MPDZ: variants seen among roughly 807,000 people sequenced by gnomAD.
The protein encoded by MPDZ is multiple PDZ domain protein.
In MPDZ, 234 loss-of-function variants were observed where a neutral mutation model predicts 239.1. That is an observed-to-expected ratio of 0.98 (90% CI 0.88 to 1.09). The LOEUF (loss-of-function observed/expected upper bound fraction) is 1.09, where lower values mean the gene tolerates loss of function less well. MPDZ is among the 50% of genes least tolerant of loss of function. MPDZ has a pLI of 0.00. For missense variants in MPDZ, 3,175 were observed against 2,510.0 expected (o/e 1.26, Z -5.66); for synonymous variants, 1,048 against 881.3 (o/e 1.19, Z -3.35).
At chr9:13,232,438 T>C (rs957034455) in intron 3 of MPDZ, among the ~76,000 whole-genome samples, 1 of 152,126 alleles carries the variant, frequency 6.6e-6, no homozygotes, top group Non-Finnish European at 1.5e-5. Flanking sequence ...GATGATCTCT[T>C]CAATAAATGG....
chr9:13,222,626 G>C (rs558075227), intron 5 of MPDZ, among the ~76,000 whole-genome samples, 180 bp from the exon 6 acceptor site: 2 of 151,928 alleles, frequency 1.3e-5, no homozygotes, highest in Non-Finnish European at 2.9e-5. Flanking sequence ...ATCAACTCTC[G>C]TAAGGTTATT....
At chr9:13,139,927 G>C in intron 28 of MPDZ, 60 bp downstream of exon 28, 1 of 1,598,822 alleles carries the variant, frequency 6.3e-7, no homozygotes, top group African/African-American at 1.3e-5. Context: ...AAATCCTTGA[G>C]AAACTCAGAG....
intron 23 of MPDZ, among the ~76,000 whole-genome samples, chr9:13,160,980 T>C (rs1484821916): frequency 6.6e-6 from 1 of 150,620 alleles, no homozygotes; most frequent in African/African-American, 2.4e-5. Flanking sequence ...TACTACACCC[T>C]TTTATATAAG....
chr9:13,247,616 T>TG lies in MPDZ; in HGVS notation c.183+18dup. The TG allele has an allele frequency of 6.3e-7, 1 of 1,598,542 alleles. No individual in the cohort carries two copies. Among genetic ancestry groups the TG allele is most frequent in the Non-Finnish European group, 8.6e-7 (1 of 1,168,192 alleles). ...CTATGCCATGTCGTGAATGCCTGCT[T>TG]GGGTGAATGATGTCCTACCTGGTCT... On this transcript the variant is annotated intron_variant, in intron 3 of 46. Transcript: ENST00000319217.
chr9:13,152,106 A>G (rs936412075), intron 24 of MPDZ, among the ~76,000 whole-genome samples: 2 of 152,088 alleles, frequency 1.3e-5, no homozygotes, highest in African/African-American at 4.8e-5. Context: ...AGCAGCTTCT[A>G]AGCTTAGCAA....
chr9:13,166,616 A>C (rs1951110039), intron 22 of MPDZ, among the ~76,000 whole-genome samples: 1 of 151,928 alleles, frequency 6.6e-6, no homozygotes, highest in Non-Finnish European at 1.5e-5. Context: ...AGGTTGTACG[A>C]TTTTTCTTCT....
At chr9:13,175,954 G>A (rs1200524695) in intron 20 of MPDZ, 79 bp from the exon 21 acceptor site, 2 of 1,490,200 alleles carry the variant, frequency 1.3e-6, no homozygotes, top group African/African-American at 2.8e-5. Flanking sequence ...CATCACGCAT[G>A]TTCTCTAATT....
At chr9:13,181,816 G>C (rs75648390) in intron 19 of MPDZ, among the ~76,000 whole-genome samples, 2,341 of 152,236 alleles carry the variant, frequency 0.015, 61 homozygotes, top group African/African-American at 0.054. Flanking sequence ...TGTCCACTGG[G>C]AAGAAGACGT....
chr9:13,123,127 C>G (rs1944608174), intron 36 of MPDZ, 26 bp downstream of exon 36: 2 of 1,598,376 alleles, frequency 1.3e-6, no homozygotes, highest in Non-Finnish European at 8.5e-7. Context: ...ACGGCCTGTA[C>G]AGAAGCACCT....
At chr9:13,222,809 C>T (rs1452107412) in intron 5 of MPDZ, among the ~76,000 whole-genome samples, 2 of 151,732 alleles carry the variant, frequency 1.3e-5, no homozygotes, top group Non-Finnish European at 2.9e-5. Context: ...AGATCCCCAA[C>T]TGGGGATCAC....
Position 13,112,220 on chromosome 9 carries a change from A to G in MPDZ, c.5602-74T>C, listed in dbSNP as rs1942610219. The G allele has an allele frequency of 1.3e-5, 18 of 1,423,486 alleles. No homozygotes were observed. The South Asian group carries it at 2.4e-4, about 19-fold the overall frequency. The allele number at this position is 1,423,486 out of a possible 1,614,324, so 88.2% of individuals were successfully genotyped here. ...GACCTTTTGTTTATTCTTTGGCATG[A>G]TATCTATAGTCAACTCTGATTTTCT... On this transcript the variant is annotated intron_variant, in intron 42 of 46. Transcript: ENST00000319217.
At chr9:13,223,759 T>TG (rs1233996630) in intron 4 of MPDZ, 49 bp from the exon 5 acceptor site, 1 of 1,527,736 alleles carries the variant, frequency 6.5e-7, no homozygotes, top group African/African-American at 1.4e-5. Flanking sequence ...AGGCCATGCA[T>TG]GGTGGTTCAC....
intron 25 of MPDZ, among the ~76,000 whole-genome samples, chr9:13,149,653 C>A (rs916061910): frequency 2.0e-5 from 3 of 151,974 alleles, no homozygotes; most frequent in African/African-American, 7.2e-5. Context: ...ATGCCCAGAG[C>A]CTGTTATAGC....
intron 40 of MPDZ, among the ~76,000 whole-genome samples, chr9:13,114,900 AAAATAAAT>A (rs755822098): frequency 1.3e-5 from 2 of 151,996 alleles, no homozygotes. Context: ...ACTCTGTCTC[AAAATAAAT>A]AAATAAATAA....
Position 13,199,406 on chromosome 9 carries a change from C to A in MPDZ, c.1547-3176G>T, listed in dbSNP as rs866939249. ...ATCAGTTCTAACCATTTTTGGTGAACTCCTTAGGTTTCTAAATATAGGATC... is the reference window on the plus strand; with the variant it reads ...ATCAGTTCTAACCATTTTTGGTGAAATCCTTAGGTTTCTAAATATAGGATC... On this transcript the variant is annotated intron_variant, in intron 12 of 46. Transcript: ENST00000319217. Among the ~76,000 whole-genome samples, 5 of 152,042 alleles carry A rather than the reference C, an allele frequency of 3.3e-5. No homozygotes were observed. In the South Asian group the frequency reaches 1.0e-3, roughly 32 times the overall value.
intron 32 of MPDZ, among the ~76,000 whole-genome samples, chr9:13,127,545 A>G (rs1046664834): frequency 1.3e-5 from 2 of 152,238 alleles, no homozygotes; most frequent in African/African-American, 2.4e-5. Context: ...GAGAAAAGTT[A>G]CAAAAAGCAA....
At chr9:13,240,580 TAAAAAAAAAAAAAAA>T (rs71331533) in intron 3 of MPDZ, among the ~76,000 whole-genome samples, 1 of 44,012 alleles carries the variant, frequency 2.3e-5, no homozygotes, top group Non-Finnish European at 3.6e-5. Flanking sequence ...ATAATAAAAG[TAAAAAAAAAAAAAAA>T]AAAAAAAAAA....
rs139873966 is a variant in MPDZ, at chr9:13,152,423, A to G, written c.3453-1735T>C. On this transcript the variant is annotated intron_variant, in intron 24 of 46. Transcript: ENST00000319217. ...GGCAGGTCTTTCCTGTGCTTTTCTC[A>G]TGATAGTGAATAAGTCTCATGAGAT... Among the ~76,000 whole-genome samples, 583 of 152,144 alleles carry G rather than the reference A, an allele frequency of 3.8e-3. 2 individuals carry two copies. Among genetic ancestry groups the G allele is most frequent in the African/African-American group, 0.013 (542 of 41,522 alleles).
rs191237162 is a variant in MPDZ, at chr9:13,113,817, A to G, written c.5557+114T>C. 24 of 794,498 alleles carry G rather than the reference A, an allele frequency of 3.0e-5. No individual in the cohort carries two copies. The Admixed American group carries it at 4.0e-4, about 13-fold the overall frequency. 49.2% of individuals were successfully genotyped at this position (794,498 alleles called of 1,614,324 possible). A position where few individuals can be genotyped will look rare whatever the true frequency, so the allele number is the denominator to read the frequency against. On this transcript the variant is annotated intron_variant, in intron 41 of 46. Coordinates refer to ENST00000319217, the MANE Select transcript of MPDZ (RefSeq NM_001378778.1). Reference sequence around the variant, plus strand: ...TTTGCTAACACGTGTTTTTGTACCTATATTTGGATATGGGATGATTTGGGG... The same window carrying G: ...TTTGCTAACACGTGTTTTTGTACCTGTATTTGGATATGGGATGATTTGGGG...
Sources: gnomAD v4.1 joint callset for allele counts (sites outside exome capture counted in the v4.1 genomes callset) on GRCh38, gnomAD v4.1.1 for gene constraint, MANE v1.5 for transcripts, NCBI Gene and HGNC (gene_info 2026-07-23, HGNC 2026-07-21) for gene names.